KCNMB3: variants seen among roughly 807,000 people sequenced by gnomAD.
KCNMB3 encodes calcium-activated potassium channel subunit beta-3.
In KCNMB3, 18 loss-of-function variants were observed where a neutral mutation model predicts 11.9. The observed-to-expected ratio is 1.51, with a 90% CI of 1.04 to 2.23. The LOEUF is 2.23. KCNMB3 is among the 30% of genes most tolerant of loss of function. KCNMB3 has a pLI of 0.00. For missense variants in KCNMB3, 247 were observed against 329.4 expected, an observed-to-expected ratio of 0.75 and a Z score of 1.94; for synonymous variants, 78 against 119.2, an observed-to-expected ratio of 0.65 and a Z score of 2.25.
intron 1 of KCNMB3, chr3:179,258,907 G>A: frequency 6.2e-7 from 1 of 1,604,978 alleles, no homozygotes; most frequent in East Asian, 2.2e-5. Context: ...CTGGTGATTG[G>A]CATACAGTGC....
chr3:179,240,910 A>G (rs146922689), downstream of KCNMB3: 19 of 152,336 alleles, frequency 1.2e-4, no homozygotes, highest in African/African-American at 3.4e-4. Flanking sequence ...ATGTGCGTGC[A>G]CATCAAATGT....
intron 1 of KCNMB3, among the ~76,000 whole-genome samples, chr3:179,263,003 C>T (rs1416323359): frequency 1.3e-5 from 2 of 152,248 alleles, no homozygotes; most frequent in Non-Finnish European, 2.9e-5. Context: ...CAGTGGATCC[C>T]GCACCGGGGC....
chr3:179,260,315 A>G (rs113518362), intron 1 of KCNMB3: 95,254 of 1,613,946 alleles, frequency 0.059, 3,890 homozygotes, highest in African/African-American at 0.19. Context: ...AAGCGCTCTC[A>G]AGAATTTGGC....
rs775438442 is a variant in KCNMB3 at position 179,250,784 on chromosome 3, G to C, written c.207C>G (p.Phe69Leu). The C allele has an allele frequency of 9.3e-6, 15 of 1,614,042 alleles. No individual in the cohort carries two copies. Among genetic ancestry groups the C allele is most frequent in the Admixed American group, 1.7e-5 (1 of 59,998 alleles). Residue 69 changes from phenylalanine (F) to leucine (L), a missense_variant, in exon 1 of 3, where the codon TTC becomes TTG. This residue lies in a region of KCNMB3 where 160 missense variants were observed against 157.5 expected (regional missense o/e 1.02). Coordinates refer to ENST00000392685, the MANE Select transcript of KCNMB3 (RefSeq NM_171830.2). ...TTAGAATGGTTGTTCCGAGCAAGAA[G>C]AACATTAGGACTGAGAAGCCCATCA... ...FAMMGFSVLM[F>L]FLLGTTILKP...
At chr3:179,262,577 T>G (rs1047324647) in intron 1 of KCNMB3, among the ~76,000 whole-genome samples, 1 of 152,244 alleles carries the variant, frequency 6.6e-6, no homozygotes, top group Admixed American at 6.5e-5. Context: ...TTGCCACTGC[T>G]GGCTGGGGCA....
At chr3:179,259,235 G>A in intron 1 of KCNMB3, 1 of 1,536,564 alleles carries the variant, frequency 6.5e-7, no homozygotes, top group South Asian at 1.3e-5. Flanking sequence ...CATCACTAAT[G>A]TCCTGTGAGG....
chr3:179,241,131 A>ATCCC (rs1308680720), downstream of KCNMB3: 2 of 152,136 alleles, frequency 1.3e-5, no homozygotes, highest in Admixed American at 1.3e-4. Flanking sequence ...ACTGAATGTT[A>ATCCC]TAACCTAGCA....
intron 1 of KCNMB3, among the ~76,000 whole-genome samples, chr3:179,256,738 A>G (rs1726022796): frequency 6.6e-6 from 1 of 152,242 alleles, no homozygotes; most frequent in African/African-American, 2.4e-5. Flanking sequence ...AAAAAAGGCA[A>G]TAAAGAAGAG....
At chr3:179,260,872 G>A in intron 1 of KCNMB3, 1 of 1,157,684 alleles carries the variant, frequency 8.6e-7, no homozygotes, top group East Asian at 2.3e-5. Flanking sequence ...TGTCAACTTG[G>A]TAAATGAAGT....
intron 1 of KCNMB3, among the ~76,000 whole-genome samples, chr3:179,258,067 G>A (rs555724483): frequency 1.3e-5 from 2 of 151,996 alleles, no homozygotes; most frequent in Admixed American, 6.6e-5. Context: ...TGTATTTTTC[G>A]TAGAGACAGG....
In KCNMB3 at chr3:179,266,693, G is replaced by T. The variant is rs947878332; in HGVS notation, c.18C>A (p.Ile6=). Residue 6 remains isoleucine (I), a synonymous_variant, in exon 1 of 4, where the codon ATC becomes ATA. Transcript: ENST00000349697. The stretch of plus-strand genomic sequence containing the variant: ...TGCCCTGAAGTGTGATTTGCACGGG[G>T]ATGCTGAAGGGCTGCATGAGGCCAG... The T allele has an allele frequency of 3.1e-6, 5 of 1,614,078 alleles. No individual in the cohort carries two copies. The African/African-American group carries it at 5.3e-5, about 17-fold the overall frequency.
At chr3:179,261,218 G>A in intron 1 of KCNMB3, 1 of 1,358,322 alleles carries the variant, frequency 7.4e-7, no homozygotes, top group Non-Finnish European at 9.8e-7. Flanking sequence ...CAGCCTCTGC[G>A]CTTCCGCGCT....
Position 179,250,867 on chromosome 3 carries a change from G to A in KCNMB3, c.124C>T (p.His42Tyr). 6.2e-7 allele frequency: 1 copy of A among 1,614,154 alleles called. No homozygotes were observed. The highest frequency in any genetic ancestry group is 8.5e-7 in the Non-Finnish European group (1 of 1,180,022). The change falls in exon 1 of 3, where the codon CAC (histidine) becomes TAC (tyrosine). Residue 42 changes from histidine to tyrosine, a missense_variant. By Grantham distance (83) the His-to-Tyr change is moderately conservative (BLOSUM62 2). Coordinates refer to ENST00000392685, the MANE Select transcript of KCNMB3 (RefSeq NM_171830.2). ...DYSDGDPLDV[H>Y]KRLPSSAGED... ...CCAGCACTGGATGGCAGCCTCTTGT[G>A]CACATCTAGTGGGTCTCCATCACTG...
At chr3:179,251,632 GAAGAGTCCAACAC>G (rs1725847506), upstream of KCNMB3, 29 of 1,260,016 alleles carry the variant, frequency 2.3e-5, no homozygotes, top group South Asian at 9.0e-4. Context: ...CTGGTGAACA[GAAGAGTCCAACAC>G]AAAGGTCGCA....
chr3:179,247,159 G>A (rs1038393599), intron 1 of KCNMB3, among the ~76,000 whole-genome samples: 1 of 152,116 alleles, frequency 6.6e-6, no homozygotes, highest in Non-Finnish European at 1.5e-5. Flanking sequence ...TTCCAGGAAT[G>A]CTTAGAAAAG....
chr3:179,245,519 G>A (rs966975258), intron 1 of KCNMB3, among the ~76,000 whole-genome samples: 1 of 151,310 alleles, frequency 6.6e-6, no homozygotes, highest in Non-Finnish European at 1.5e-5. Flanking sequence ...TTTTTTGGGG[G>A]GGGGGATGGA....
At chr3:179,261,173 C>T (rs1726194291) in intron 1 of KCNMB3, 3 of 1,333,180 alleles carry the variant, frequency 2.3e-6, no homozygotes, top group South Asian at 2.8e-5. Context: ...AGCCTCCGCG[C>T]GGGCCTCCCG....
exon 1 of KCNMB3, chr3:179,266,757 C>T (rs772690921): frequency 5.0e-6 from 8 of 1,609,224 alleles, no homozygotes; most frequent in African/African-American, 1.3e-5. Flanking sequence ...TGAGTCATGC[C>T]CCTGCGGGCG....
chr3:179,247,866 G>C (rs1234546419), intron 1 of KCNMB3, among the ~76,000 whole-genome samples: 1 of 151,784 alleles, frequency 6.6e-6, no homozygotes, highest in East Asian at 1.9e-4. Flanking sequence ...CCTTTTTTAT[G>C]ACCCCTTTCC....
Sources: gnomAD v4.1 joint callset for allele counts (sites outside exome capture counted in the v4.1 genomes callset) on GRCh38, gnomAD v4.1.1 for gene constraint, gnomAD v4.1.1 regional missense constraint, MANE v1.5 for transcripts, NCBI Gene and HGNC (gene_info 2026-07-23, HGNC 2026-07-21) for gene names.